RNASEH1: variants seen among roughly 807,000 people sequenced by gnomAD.
RNASEH1 encodes ribonuclease H1, also known as ribonuclease H type II.
A neutral mutation model predicts 34.6 loss-of-function variants in RNASEH1; 27 were observed. The observed-to-expected ratio is 0.78, with a 90% confidence interval of 0.58 to 1.08. The LOEUF (loss-of-function observed/expected upper bound fraction) is 1.08, where lower values mean the gene tolerates loss of function less well. Among genes scored for constraint, RNASEH1 ranks in the 50% least tolerant of loss-of-function variants. The pLI is 0.00. For synonymous variants in RNASEH1, 162 were observed against 138.4 expected (o/e 1.17, Z -1.20); for missense variants, 349 against 373.6 (o/e 0.93, Z 0.54).
rs901811609 is a variant in RNASEH1 at position 3,544,654 on chromosome 2, A to G, written c.*1131T>C. On this transcript the variant is annotated 3_prime_UTR_variant, in exon 8 of 8. Transcript: ENST00000315212. Reference sequence around the variant, plus strand: ...ATTTCTTCACCAGGTGGTGGACACAAAGGTTATTCACCTTACAATCATAAT... The same window carrying G: ...ATTTCTTCACCAGGTGGTGGACACAGAGGTTATTCACCTTACAATCATAAT... The G allele has an allele frequency of 6.6e-6, 1 of 152,144 alleles. No homozygotes were observed. The highest frequency in any genetic ancestry group is 1.5e-5 in the Non-Finnish European group (1 of 68,026). The allele number at this position is 152,144 out of a possible 1,614,324, so 9.4% of individuals were successfully genotyped here. A position where few individuals can be genotyped will look rare whatever the true frequency, so the allele number is the denominator to read the frequency against.
At position 3,545,108 on chromosome 2, in the gene RNASEH1, GCA is replaced by G. The variant is rs1485049786; in HGVS notation, c.*675_*676del. 1.7e-3 allele frequency: 238 copies of G among 142,882 alleles called. No individual in the cohort carries two copies. Among genetic ancestry groups the G allele is most frequent in the African/African-American group, 5.7e-3 (222 of 38,654 alleles). The allele number at this position is 142,882 out of a possible 1,614,324, so 8.9% of individuals were successfully genotyped here. On this transcript the variant is annotated 3_prime_UTR_variant, in exon 8 of 8. Coordinates refer to ENST00000315212, the MANE Select transcript of RNASEH1 (RefSeq NM_002936.6). ...ACTTTTTTTTTTTTTTTTTTAATTT[GCA>G]CAGTTTTTAACGAAAGAGCCAAATA...
At chr2:3,536,450 T>C (rs1264644404), downstream of RNASEH1, among the ~76,000 whole-genome samples, 1 of 152,210 alleles carries the variant, frequency 6.6e-6, no homozygotes, top group Non-Finnish European at 1.5e-5. Flanking sequence ...GCTCTGACCT[T>C]GGGCTCTGTC....
rs1391150212 is a variant in RNASEH1, at chr2:3,543,280, A to C, written c.*2505T>G. ...ACACAACGCACAGGAGAACGTTCTGAACCACTTTTGGTCCTGAGTGCTACC... is the reference window on the plus strand; with the variant it reads ...ACACAACGCACAGGAGAACGTTCTGCACCACTTTTGGTCCTGAGTGCTACC... On this transcript the variant is annotated 3_prime_UTR_variant, in exon 8 of 8. Coordinates refer to ENST00000315212, the MANE Select transcript of RNASEH1 (RefSeq NM_002936.6). Among the ~76,000 whole-genome samples, 1 of 152,210 alleles carries C rather than the reference A, an allele frequency of 6.6e-6. No homozygotes were observed. The highest frequency in any genetic ancestry group is 1.9e-4 in the East Asian group (1 of 5,200).
At chr2:3,557,972 G>A (rs995605298) in intron 1 of RNASEH1, 161 bp downstream of exon 1, 2 of 1,494,440 alleles carry the variant, frequency 1.3e-6, no homozygotes, top group East Asian at 2.6e-5. Context: ...CTGGAACCCC[G>A]CCGGCCGAGC....
intron 2 of RNASEH1, among the ~76,000 whole-genome samples, chr2:3,556,383 G>A (rs1660499495): frequency 6.9e-6 from 1 of 145,522 alleles, no homozygotes. Context: ...TCGGCTCACT[G>A]TAGCCTCCAC....
chr2:3,551,031 G>C (rs1394600234), intron 3 of RNASEH1, among the ~76,000 whole-genome samples: 2 of 152,232 alleles, frequency 1.3e-5, no homozygotes, highest in Non-Finnish European at 2.9e-5. Flanking sequence ...GGACTGACGG[G>C]GGCATTCTCA....
intron 4 of RNASEH1, among the ~76,000 whole-genome samples, chr2:3,549,901 G>A (rs1398266670): frequency 6.0e-5 from 9 of 150,742 alleles, no homozygotes; most frequent in Non-Finnish European, 1.3e-4. Flanking sequence ...AGCCGAGATC[G>A]CGCCACTGCA....
rs1258386089 is a variant in RNASEH1 at position 3,552,318 on chromosome 2, A to G, written c.245-10T>C. ...TGTTGATTTTCATGCCCTGAAAGAC[A>G]AGAGTCCACTCGTGAGCTGGAAACA... On this transcript the variant is annotated splice_polypyrimidine_tract_variant and intron_variant, in intron 2 of 7. Coordinates refer to ENST00000315212, the MANE Select transcript of RNASEH1 (RefSeq NM_002936.6). 3 of 1,611,190 alleles carry G rather than the reference A, an allele frequency of 1.9e-6. No individual in the cohort carries two copies. The highest frequency in any genetic ancestry group is 1.7e-6 in the Non-Finnish European group (2 of 1,178,568).
intron 2 of RNASEH1, 152 bp from the exon 3 acceptor site, chr2:3,552,460 T>G (rs1660045298): frequency 3.0e-6 from 2 of 674,044 alleles, no homozygotes. Context: ...AACGAGGGAA[T>G]GACCCCCTCC....
the RNASEH1 span, chr2:3,532,239 C>T: frequency 8.5e-6 from 6 of 702,228 alleles, no homozygotes; most frequent in Non-Finnish European, 1.3e-5. Context: ...CGTCTGCAAA[C>T]ATTTCTCATG....
Position 3,558,218 on chromosome 2 carries a change from C to CGGCCAA in RNASEH1, c.37_42dup (p.Leu13_Ala14dup). 6.3e-7 allele frequency: 1 copy of CGGCCAA among 1,598,998 alleles called. No homozygotes were observed. Among genetic ancestry groups the CGGCCAA allele is most frequent in the Non-Finnish European group, 8.5e-7 (1 of 1,174,968 alleles). Reference sequence around the variant, plus strand: ...CGAGAGCCGCGGCGGCAGGGCAAGGCGGCCAAGGCGACTCTGTGGGCCAGG... The same window carrying CGGCCAA: ...CGAGAGCCGCGGCGGCAGGGCAAGGCGGCCAAGGCCAAGGCGACTCTGTGGGCCAGG... On this transcript the variant is annotated inframe_insertion, in exon 1 of 8. Coordinates refer to ENST00000315212, the MANE Select transcript of RNASEH1 (RefSeq NM_002936.6).
downstream of RNASEH1, among the ~76,000 whole-genome samples, chr2:3,540,832 G>A (rs187685934): frequency 6.6e-6 from 1 of 151,802 alleles, no homozygotes. Flanking sequence ...GACAGAGGCA[G>A]CAGCAGGAGC....
At chr2:3,548,295 A>T (rs1668947355) in intron 6 of RNASEH1, among the ~76,000 whole-genome samples, 1 of 152,164 alleles carries the variant, frequency 6.6e-6, no homozygotes, top group Non-Finnish European at 1.5e-5. Flanking sequence ...CATTTCTCCC[A>T]GGAGCCTTCC....
chr2:3,535,117 C>CT, the RNASEH1 span, among the ~76,000 whole-genome samples: 2 of 152,126 alleles, frequency 1.3e-5, no homozygotes, highest in African/African-American at 4.8e-5. Context: ...GAACTGCACA[C>CT]TTAAAAACGG....
chr2:3,533,492 G>A, the RNASEH1 span: 11 of 152,422 alleles, frequency 7.2e-5, no homozygotes, highest in South Asian at 2.3e-3. Context: ...AGTCGGCTCA[G>A]GCACACCTGA....
At chr2:3,537,712 C>A (rs1009508572), downstream of RNASEH1, among the ~76,000 whole-genome samples, 1 of 151,568 alleles carries the variant, frequency 6.6e-6, no homozygotes, top group Non-Finnish European at 1.5e-5. Flanking sequence ...CAGAGCAAGA[C>A]CGTGTCTCAA....
chr2:3,531,979 C>T, the RNASEH1 span: 3,318 of 427,522 alleles, frequency 7.8e-3, 100 homozygotes, highest in African/African-American at 0.058. Context: ...CCGAACACTG[C>T]GACATAGGTG....
chr2:3,555,943 G>A (rs1218856672), intron 2 of RNASEH1, among the ~76,000 whole-genome samples: 1 of 152,178 alleles, frequency 6.6e-6, no homozygotes, highest in African/African-American at 2.4e-5. Flanking sequence ...GGCCAAAGCA[G>A]GTGAATCATT....
intron 1 of RNASEH1, among the ~76,000 whole-genome samples, chr2:3,557,113 T>A (rs190762362): frequency 6.6e-6 from 1 of 152,328 alleles, no homozygotes; most frequent in African/African-American, 2.4e-5. Context: ...CCCACACACA[T>A]CTTCTTGCAT....
Sources: allele counts gnomAD v4.1 joint callset (sites outside exome capture counted in the v4.1 genomes callset), GRCh38; gene constraint gnomAD v4.1.1; transcripts MANE v1.5; gene names NCBI Gene and HGNC (gene_info 2026-07-23, HGNC 2026-07-21).